TFB1M: variants seen among roughly 807,000 people sequenced by gnomAD.
TFB1M encodes dimethyladenosine transferase 1, mitochondrial.
A neutral mutation model predicts 31.1 loss-of-function variants in TFB1M; 27 were observed. The observed-to-expected ratio is 0.87, with a 90% CI of 0.64 to 1.20. The LOEUF (loss-of-function observed/expected upper bound fraction) is 1.20. Ranked by LOEUF, TFB1M falls within the 50% of genes most tolerant of loss-of-function variation. The pLI, the probability that TFB1M is intolerant of heterozygous loss-of-function variation, is 0.00. For missense variants in TFB1M, 394 were observed against 418.7 expected, an observed-to-expected ratio of 0.94 and a Z score of 0.51; for synonymous variants, 166 against 151.8, an observed-to-expected ratio of 1.09 and a Z score of -0.69.
At chr6:155,253,025 G>C, downstream of TFB1M, 1 of 1,614,106 alleles carries the variant, frequency 6.2e-7, no homozygotes, top group Non-Finnish European at 8.5e-7. Flanking sequence ...CCATCTCCGC[G>C]CTTCAAGTCA....
chr6:155,257,219 T>G lies in TFB1M; in HGVS notation c.*617A>C. 5.6e-6 allele frequency: 7 copies of G among 1,250,792 alleles called. No individual in the cohort carries two copies. The highest frequency in any genetic ancestry group is 2.5e-5 in the East Asian group (1 of 40,642). The allele number at this position is 1,250,792 out of a possible 1,614,324, so 77.5% of individuals were successfully genotyped here. A position where few individuals can be genotyped will look rare whatever the true frequency, so the allele number is the denominator to read the frequency against. On this transcript the variant is annotated 3_prime_UTR_variant, in exon 7 of 7. Coordinates refer to ENST00000367166, the MANE Select transcript of TFB1M (RefSeq NM_016020.4). ...AAAAAAAAAAAAAAAAAACTGTTCA[T>G]TCCTGGGTTTTGTGCAGTATACATT...
intron 5 of TFB1M, among the ~76,000 whole-genome samples, chr6:155,261,814 C>G (rs79739560): frequency 0.072 from 10,929 of 152,250 alleles, 532 homozygotes; most frequent in East Asian, 0.18. Context: ...ATGTGCCAAG[C>G]GGCCTTTCCA....
intron 4 of TFB1M, among the ~76,000 whole-genome samples, chr6:155,290,438 T>C (rs934887391): frequency 4.1e-5 from 6 of 146,672 alleles, no homozygotes; most frequent in Admixed American, 6.8e-5. Context: ...ATAGTATATA[T>C]ATATTCTCCC....
At chr6:155,261,388 C>T (rs1195126530) in intron 5 of TFB1M, among the ~76,000 whole-genome samples, 1 of 151,976 alleles carries the variant, frequency 6.6e-6, no homozygotes, top group African/African-American at 2.4e-5. Context: ...TCAAAAGGAA[C>T]TCCATTGTTG....
intron 5 of TFB1M, among the ~76,000 whole-genome samples, chr6:155,267,961 C>G (rs1394514583): frequency 2.6e-5 from 4 of 152,202 alleles, no homozygotes; most frequent in Non-Finnish European, 5.9e-5. Flanking sequence ...ACTGAAACAT[C>G]TGAAACCAAT....
At chr6:155,266,453 G>GT (rs1784635491) in intron 5 of TFB1M, among the ~76,000 whole-genome samples, 1 of 152,114 alleles carries the variant, frequency 6.6e-6, no homozygotes, top group African/African-American at 2.4e-5. Context: ...CTAGAGCCCT[G>GT]TGACACCCAC....
intron 4 of TFB1M, among the ~76,000 whole-genome samples, chr6:155,296,306 CTGG>C (rs1777169242): frequency 6.6e-6 from 1 of 152,070 alleles, no homozygotes; most frequent in South Asian, 2.1e-4. Flanking sequence ...GTTACCCAAG[CTGG>C]AGTGCAGTGG....
At chr6:155,304,037 T>C (rs1271847642) in intron 2 of TFB1M, among the ~76,000 whole-genome samples, 2 of 151,966 alleles carry the variant, frequency 1.3e-5, no homozygotes, top group Non-Finnish European at 2.9e-5. Context: ...AACCCAAAGG[T>C]TAGGAGGCCA....
chr6:155,252,125 G>T (rs1783698813), downstream of TFB1M: 1 of 700,562 alleles, frequency 1.4e-6, no homozygotes, highest in Admixed American at 2.9e-5. Flanking sequence ...TACTCTGAGG[G>T]TAACTAACCC....
chr6:155,296,096 T>C (rs162968), intron 4 of TFB1M, among the ~76,000 whole-genome samples: 2,886 of 152,274 alleles, frequency 0.019, 70 homozygotes, highest in African/African-American at 0.049. Flanking sequence ...CACCCCTGCT[T>C]ACCCTGGAGG....
downstream of TFB1M, chr6:155,253,738 G>C (rs1783821621): frequency 2.2e-6 from 1 of 458,420 alleles, no homozygotes; most frequent in African/African-American, 2.0e-5. Context: ...CAGAGAGAGG[G>C]TGAAGGCAGT....
chr6:155,240,824 G>A, the TFB1M span: 8 of 1,077,742 alleles, frequency 7.4e-6, no homozygotes, highest in East Asian at 2.5e-5. Flanking sequence ...CCCAGGGGGG[G>A]ACACCTGCTC....
At position 155,258,733 on chromosome 6, in the gene TFB1M, G is replaced by A. The variant is rs1050205581; in HGVS notation, c.795-651C>T. On this transcript the variant is annotated intron_variant, in intron 6 of 6. Transcript: ENST00000367166. ...GATTGCATTTTTCTTCAAGTCTCAG[G>A]GCTCTTACAGAGCTCATCCCAAGGG... is the stretch of plus-strand genomic sequence containing the variant. Among the ~76,000 whole-genome samples, 3 of 152,106 alleles carry A rather than the reference G, an allele frequency of 2.0e-5. No homozygotes were observed. The East Asian group carries it at 5.8e-4, about 29-fold the overall frequency.
At chr6:155,250,492 C>G in the TFB1M span, 2,379 of 1,475,078 alleles carry the variant, frequency 1.6e-3, 4 homozygotes, top group Non-Finnish European at 1.9e-3. Context: ...GACTGGAGAT[C>G]AGTCCTTCAC....
chr6:155,256,690 G>T lies in TFB1M; in HGVS notation c.*1146C>A, dbSNP rs1362629822. The T allele has an allele frequency of 6.2e-7, 1 of 1,614,180 alleles. No individual in the cohort carries two copies. On this transcript the variant is annotated 3_prime_UTR_variant, in exon 7 of 7. Transcript: ENST00000367166. ...ACACCCCGGCTTGGCAGATTTTGCCGACAATCTCATCAAAGAGAGTGACAT... is the reference window on the plus strand; with the variant it reads ...ACACCCCGGCTTGGCAGATTTTGCCTACAATCTCATCAAAGAGAGTGACAT...
chr6:155,266,707 C>T (rs1396075070), intron 5 of TFB1M, among the ~76,000 whole-genome samples: 3 of 151,834 alleles, frequency 2.0e-5, no homozygotes, highest in African/African-American at 4.8e-5. Flanking sequence ...ATTAGCCAGG[C>T]GTGGTGGCGG....
intron 2 of TFB1M, 59 bp from the exon 3 acceptor site, chr6:155,298,644 A>C: frequency 8.6e-7 from 1 of 1,166,788 alleles, no homozygotes; most frequent in Non-Finnish European, 1.3e-6. Flanking sequence ...AACAAAACTA[A>C]ACTTTTTAAA....
rs1229414941 is a variant in TFB1M, at chr6:155,275,902, G to T, written c.666+9256C>A. The T allele has an allele frequency of 2.5e-6, 4 of 1,614,146 alleles. No individual in the cohort carries two copies. In the South Asian group the frequency reaches 4.4e-5, roughly 18 times the overall value. ...ACTGTACGTGGTACAGCACTGGGATGTTCAGCTGTGCCCTGAAACACTCCA... is the reference window on the plus strand; with the variant it reads ...ACTGTACGTGGTACAGCACTGGGATTTTCAGCTGTGCCCTGAAACACTCCA... On this transcript the variant is annotated intron_variant, in intron 5 of 6. Coordinates refer to ENST00000367166, the MANE Select transcript of TFB1M (RefSeq NM_016020.4).
intron 5 of TFB1M, among the ~76,000 whole-genome samples, chr6:155,280,766 T>C (rs1785461482): frequency 6.6e-6 from 1 of 152,202 alleles, no homozygotes; most frequent in South Asian, 2.1e-4. Flanking sequence ...GAAAAACAGT[T>C]GTCTCTTCTG....
Sources: allele counts gnomAD v4.1 joint callset (sites outside exome capture counted in the v4.1 genomes callset), GRCh38; gene constraint gnomAD v4.1.1; transcripts MANE v1.5; gene names NCBI Gene and HGNC (gene_info 2026-07-23, HGNC 2026-07-21).